EXPH5: variants seen among roughly 807,000 people sequenced by gnomAD.
EXPH5 encodes the protein exophilin-5.
EXPH5 carries 42 observed loss-of-function variants against 41.1 expected under a neutral mutation model. The ratio of observed to expected loss-of-function variants is 1.02; its 90% confidence interval spans 0.80 to 1.32. The LOEUF (loss-of-function observed/expected upper bound fraction) is 1.32. EXPH5 is among the 40% of genes most tolerant of loss of function. The pLI is 0.00. For synonymous variants in EXPH5, 798 were observed against 833.5 expected (o/e 0.96, Z 0.73); for missense variants, 2,298 against 2,314.5 (o/e 0.99, Z 0.15).
chr11:108,571,856 C>T (rs181562331), intron 1 of EXPH5, among the ~76,000 whole-genome samples: 7 of 151,974 alleles, frequency 4.6e-5, no homozygotes, highest in Admixed American at 2.6e-4. Flanking sequence ...GTCAGGAGAT[C>T]GAGACCACAG....
chr11:108,570,694 C>T (rs944361329), intron 1 of EXPH5, among the ~76,000 whole-genome samples: 9 of 152,122 alleles, frequency 5.9e-5, no homozygotes, highest in African/African-American at 2.2e-4. Flanking sequence ...CAGGCATGTG[C>T]CACCATGTCC....
At chr11:108,542,131 C>T (rs2093916316) in intron 1 of EXPH5, among the ~76,000 whole-genome samples, 1 of 152,288 alleles carries the variant, frequency 6.6e-6, no homozygotes, top group Non-Finnish European at 1.5e-5. Flanking sequence ...CTGCATGCCT[C>T]AGCCTCCCAA....
At position 108,528,024 on chromosome 11, in the gene EXPH5, TA is replaced by T; in HGVS notation, c.492+111del. ...ACTCTTAGGGAGAAATCCAAGCTTC[TA>T]AAATAAATTTAAAACTGAGCCGAGG... On this transcript the variant is annotated intron_variant, in intron 4 of 5. Transcript: ENST00000265843. 7.4e-6 allele frequency: 5 copies of T among 677,204 alleles called. No individual in the cohort carries two copies. In the Admixed American group the frequency reaches 7.8e-5, roughly 11 times the overall value. The allele number at this position is 677,204 out of a possible 1,614,324, so 41.9% of individuals were successfully genotyped here. A position where few individuals can be genotyped will look rare whatever the true frequency, so the allele number is the denominator to read the frequency against.
intron 4 of EXPH5, among the ~76,000 whole-genome samples, chr11:108,522,959 T>A (rs1434772684): frequency 1.8e-4 from 28 of 152,070 alleles, no homozygotes; most frequent in Admixed American, 1.8e-3. Flanking sequence ...CACAGCTCAC[T>A]GTAACCCCGA....
Position 108,512,408 on chromosome 11 carries a change from GC to G in EXPH5, c.3098del (p.Gly1033AlafsTer8). On this transcript the variant is annotated frameshift_variant, in exon 6 of 6. Coordinates refer to ENST00000265843, the MANE Select transcript of EXPH5 (RefSeq NM_015065.3). LOFTEE classifies it low-confidence loss of function (END_TRUNC). ...PRKSSSFLIH[G>X]RQSGSKIMAA... ...CCATTATTTTACTTCCTGACTGCCT[GC>G]CATGTATGAGAAAACTGCTTGATTT... The G allele has an allele frequency of 6.2e-7, 1 of 1,610,806 alleles. No individual in the cohort carries two copies.
At position 108,512,274 on chromosome 11, in the gene EXPH5, G is replaced by T. The variant is rs143268361; in HGVS notation, c.3233C>A (p.Ala1078Glu). 1.2e-6 allele frequency: 2 copies of T among 1,612,874 alleles called. No homozygotes were observed. Among genetic ancestry groups the T allele is most frequent in the Middle Eastern group, 1.6e-4 (1 of 6,078 alleles). The part of the protein sequence containing the change: ...NKFSPSSPES[A>E]NECSKVLSDS... Reference sequence around the variant, plus strand: ...TGAAAGGACTTTGGAACATTCATTCGCTGACTCAGGAGAACTGGGACTAAA... The same window carrying T: ...TGAAAGGACTTTGGAACATTCATTCTCTGACTCAGGAGAACTGGGACTAAA... The change falls in exon 6 of 6, where the codon GCG becomes GAG. Residue 1078 changes from alanine to glutamate, a missense_variant. By Grantham distance (107) the Ala-to-Glu change is moderately radical. Transcript: ENST00000265843.
chr11:108,565,225 T>C (rs1157985403), intron 1 of EXPH5, among the ~76,000 whole-genome samples: 1 of 152,192 alleles, frequency 6.6e-6, no homozygotes, highest in Non-Finnish European at 1.5e-5. Context: ...TGATAACTTA[T>C]CTGCTCAATA....
At chr11:108,515,366 C>T (rs1053579066) in intron 5 of EXPH5, among the ~76,000 whole-genome samples, 1 of 152,046 alleles carries the variant, frequency 6.6e-6, no homozygotes, top group African/African-American at 2.4e-5. Context: ...AGAAATGAAC[C>T]TCTGTAAGTA....
chr11:108,606,877 T>A, the EXPH5 span, among the ~76,000 whole-genome samples: 2 of 36,114 alleles, frequency 5.5e-5, no homozygotes, highest in Admixed American at 2.7e-4. Context: ...ACTTACAGAT[T>A]TTTTTAAAAT....
At chr11:108,548,241 T>G (rs1156638742) in intron 1 of EXPH5, among the ~76,000 whole-genome samples, 2 of 152,194 alleles carry the variant, frequency 1.3e-5, no homozygotes, top group Non-Finnish European at 2.9e-5. Flanking sequence ...TTTTTTTCTT[T>G]TTTTTGTTAT....
At position 108,510,643 on chromosome 11, in the gene EXPH5, G is replaced by T; in HGVS notation, c.4864C>A (p.Gln1622Lys). The T allele has an allele frequency of 6.2e-7, 1 of 1,614,162 alleles. No homozygotes were observed. The highest frequency in any genetic ancestry group is 8.5e-7 in the Non-Finnish European group (1 of 1,180,030). ...TCAAAGCCAGATCTGCTTCCACTTT[G>T]GGGGAAGATAGTAGCTACATGTCTT... ...PRRHVATIFP[Q>K]SGSRSGFDHL... Residue 1622 changes from glutamine (Q) to lysine (K), a missense_variant, in exon 6 of 6, where the codon CAA becomes AAA. Gln to Lys is a moderately conservative substitution (Grantham distance 53). Transcript: ENST00000265843.
rs772556259 is a variant in EXPH5, at chr11:108,514,146, C to T, written c.1361G>A (p.Ser454Asn). The T allele has an allele frequency of 1.2e-6, 2 of 1,613,728 alleles. No homozygotes were observed. The highest frequency in any genetic ancestry group is 1.7e-6 in the Non-Finnish European group (2 of 1,179,880). The change falls in exon 6 of 6, where the codon AGC (serine) becomes AAC (asparagine). Residue 454 changes from serine to asparagine, a missense_variant. Ser to Asn is a conservative substitution (Grantham distance 46). Transcript: ENST00000265843. ...NSENMPFYHQSNTFTRSFFSN... is the reference protein window; with the variant it reads ...NSENMPFYHQNNTFTRSFFSN... ...GAAGAAAGATCTGGTAAATGTGTTG[C>T]TTTGATGGTAGAATGGCATGTTCTC... is the stretch of plus-strand genomic sequence containing the variant.
intron 4 of EXPH5, among the ~76,000 whole-genome samples, chr11:108,522,141 C>T (rs2093768809): frequency 1.3e-5 from 2 of 151,642 alleles, no homozygotes; most frequent in South Asian, 2.1e-4. Flanking sequence ...GAGAAAATAC[C>T]GAGGTTTCAT....
upstream of EXPH5, among the ~76,000 whole-genome samples, chr11:108,595,124 T>A (rs186283734): frequency 3.2e-4 from 49 of 152,362 alleles, no homozygotes; most frequent in African/African-American, 1.0e-3. Flanking sequence ...TTACACTGTT[T>A]CCAGTATATC....
chr11:108,561,385 T>C (rs1277581894), intron 1 of EXPH5, among the ~76,000 whole-genome samples: 3 of 139,970 alleles, frequency 2.1e-5, no homozygotes, highest in African/African-American at 7.6e-5. Flanking sequence ...TTTTAAATCA[T>C]TCTGGCATCT....
At chr11:108,564,770 T>C (rs372497059) in intron 1 of EXPH5, among the ~76,000 whole-genome samples, 75 of 152,326 alleles carry the variant, frequency 4.9e-4, no homozygotes, top group African/African-American at 1.7e-3. Context: ...TGCTTGCCAA[T>C]GTTAGTTATG....
intron 1 of EXPH5, 67 bp from the exon 2 acceptor site, chr11:108,541,879 C>T: frequency 7.5e-7 from 1 of 1,335,264 alleles, no homozygotes. Context: ...ATCCTTAAAT[C>T]AATGTACTTT....
chr11:108,579,143 T>C (rs1205585616), intron 1 of EXPH5, among the ~76,000 whole-genome samples: 1 of 152,132 alleles, frequency 6.6e-6, no homozygotes, highest in Non-Finnish European at 1.5e-5. Flanking sequence ...TGTGGGTCTG[T>C]CCTATATTGC....
intron 1 of EXPH5, among the ~76,000 whole-genome samples, chr11:108,563,545 C>T (rs1469186125): frequency 6.6e-6 from 1 of 152,148 alleles, no homozygotes; most frequent in Admixed American, 6.6e-5. Flanking sequence ...AGTGCCGGGC[C>T]ACGGGCCATC....
Sources: gnomAD v4.1 joint callset for allele counts (sites outside exome capture counted in the v4.1 genomes callset) on GRCh38, gnomAD v4.1.1 for gene constraint, MANE v1.5 for transcripts, NCBI Gene and HGNC (gene_info 2026-07-23, HGNC 2026-07-21) for gene names.